The following ZNF574 variants were observed in gnomAD, a reference collection of about 807,000 sequenced individuals.
ZNF574 encodes zinc finger protein 574.
ZNF574 carries 25 observed loss-of-function variants against 56.6 expected under a neutral mutation model. The observed-to-expected ratio is 0.44, with a 90% CI of 0.32 to 0.62. ZNF574 has a LOEUF of 0.62. ZNF574 is among the 20% of genes least tolerant of loss of function. The probability of loss-of-function intolerance (pLI) is 0.04; values close to 1 mark genes in which losing one functional copy is unlikely to be tolerated. For missense variants in ZNF574, 1,065 were observed against 1,218.9 expected (o/e 0.87, Z 1.88); for synonymous variants, 543 against 492.1 (o/e 1.10, Z -1.37).
At chr19:42,072,568 C>CTT (rs888861060), upstream of ZNF574, among the ~76,000 whole-genome samples, 1 of 144,188 alleles carries the variant, frequency 6.9e-6, no homozygotes, top group African/African-American at 2.5e-5. Flanking sequence ...TTCTTTCTTT[C>CTT]TTTTTTTTTT....
chr19:42,081,247 A>T lies in ZNF574; in HGVS notation c.2641A>T (p.Ile881Phe), dbSNP rs1352470132. 2 of 1,613,930 alleles carry T rather than the reference A, an allele frequency of 1.2e-6. No individual in the cohort carries two copies. Among genetic ancestry groups the T allele is most frequent in the African/African-American group, 2.7e-5 (2 of 74,914 alleles). Residue 881 changes from isoleucine (I) to phenylalanine (F), a missense_variant, in exon 2 of 2, where the codon ATT (isoleucine) becomes TTT (phenylalanine). By Grantham distance (21) the Ile-to-Phe change is conservative. Transcript: ENST00000359044. ...GGAGGCGCTACCCCTGGTGGAAGCC[A>T]TTGAGATCTACCCTCTGGCCGAGGC... ...AVEALPLVEA[I>F]EIYPLAEAEG...
chr19:42,079,115 C>T lies in ZNF574; in HGVS notation c.509C>T (p.Pro170Leu), dbSNP rs1444096749. Reference protein sequence around the residue: ...VVLGSPVVLGPPVGQARVAVE... With the variant: ...VVLGSPVVLGLPVGQARVAVE... ...CTGGGGTCCCCAGTTGTTCTAGGGC[C>T]TCCTGTGGGCCAGGCCCGAGTGGCT... The change falls in exon 2 of 2, where the codon CCT becomes CTT. Residue 170 changes from proline to leucine, a missense_variant. Pro to Leu is a moderately conservative substitution (Grantham distance 98). Coordinates refer to ENST00000359044, the MANE Select transcript of ZNF574 (RefSeq NM_022752.6). The surrounding 1 kb of genome is among the most constrained non-coding windows in gnomAD (Gnocchi z 4.3). 6.2e-7 allele frequency: 1 copy of T among 1,614,084 alleles called. No individual in the cohort carries two copies. Among genetic ancestry groups the T allele is most frequent in the Non-Finnish European group, 8.5e-7 (1 of 1,179,980 alleles).
Position 42,079,074 on chromosome 19 carries a change from T to C in ZNF574, c.468T>C (p.Ala156=), listed in dbSNP as rs376335777. Residue 156 remains alanine, a synonymous_variant, in exon 2 of 2, where the codon GCT becomes GCC. Transcript: ENST00000359044. The surrounding 1 kb of genome is among the most constrained non-coding windows in gnomAD (Gnocchi z 4.3). ...ACCTCCGGGCCACACCCACCAAGGC[T>C]CCTGCCCCTGTTGTCCTGGGGTCCC... The part of the protein sequence containing the change: ...QTHLRATPTK[A]PAPVVLGSPV... 3.7e-5 allele frequency: 59 copies of C among 1,614,126 alleles called. 2 individuals are homozygous for C. Among genetic ancestry groups the C allele is most frequent in the African/African-American group, 2.8e-4 (21 of 75,038 alleles).
At chr19:42,074,442 A>C (rs1438941774), upstream of ZNF574, among the ~76,000 whole-genome samples, 11 of 151,514 alleles carry the variant, frequency 7.3e-5, no homozygotes, top group Middle Eastern at 3.4e-3. Context: ...GCGGCAGAGA[A>C]AGACTCTGTC....
chr19:42,080,689 G>A lies in ZNF574; in HGVS notation c.2083G>A (p.Gly695Arg). 6.2e-7 allele frequency: 1 copy of A among 1,613,200 alleles called. No homozygotes were observed. The highest frequency in any genetic ancestry group is 8.5e-7 in the Non-Finnish European group (1 of 1,179,902). ...HEAAHAAAGP[G>R]EVLAKEPPAP... The stretch of plus-strand genomic sequence containing the variant: ...GGCGGCCCATGCAGCTGCTGGGCCT[G>A]GAGAGGTCCTGGCTAAGGAGCCCCC... The change falls in exon 2 of 2, where the codon GGA (glycine) becomes AGA (arginine). Residue 695 changes from glycine to arginine, a missense_variant. Coordinates refer to ENST00000359044, the MANE Select transcript of ZNF574 (RefSeq NM_022752.6). This position sits in a 1 kb window ranked among gnomAD's most constrained non-coding sequence, Gnocchi z 8.5.
upstream of ZNF574, chr19:42,075,031 G>A (rs2076446610): frequency 6.6e-6 from 1 of 152,176 alleles, no homozygotes; most frequent in African/African-American, 2.4e-5. Context: ...TTACAGGCAC[G>A]AGCCACCACG....
chr19:42,075,697 C>A (rs577906446), upstream of ZNF574, among the ~76,000 whole-genome samples: 31 of 152,164 alleles, frequency 2.0e-4, no homozygotes, highest in African/African-American at 7.5e-4. Context: ...CACAAAGGTT[C>A]CCGTGCCTCC....
In ZNF574 at chr19:42,079,242, C is replaced by T; in HGVS notation, c.636C>T (p.Leu212=). 3 of 1,614,106 alleles carry T rather than the reference C, an allele frequency of 1.9e-6. No homozygotes were observed. Among genetic ancestry groups the T allele is most frequent in the Non-Finnish European group, 2.5e-6 (3 of 1,180,020 alleles). The change falls in exon 2 of 2, where the codon CTC becomes CTT. Residue 212 remains leucine, a synonymous_variant. Coordinates refer to ENST00000359044, the MANE Select transcript of ZNF574 (RefSeq NM_022752.6). The surrounding 1 kb of genome is among the most constrained non-coding windows in gnomAD (Gnocchi z 4.3). ...TTEVVTEVEL[L]LYKCSECSQL... ...AGGTAGTGACTGAGGTGGAGCTGCT[C>T]CTCTACAAGTGCTCTGAGTGCTCCC...
Position 42,079,718 on chromosome 19 carries a change from T to A in ZNF574, c.1112T>A (p.Leu371Gln), listed in dbSNP as rs139958544. The change falls in exon 2 of 2, where the codon CTG (leucine) becomes CAG (glutamine). Residue 371 changes from leucine (L) to glutamine (Q), a missense_variant. Physicochemically the swap from Leu to Gln is moderately radical, Grantham distance 113. Transcript: ENST00000359044. The surrounding 1 kb of genome is among the most constrained non-coding windows in gnomAD (Gnocchi z 4.3). The stretch of plus-strand genomic sequence containing the variant: ...CACTTCCTGTGTGTAGACTGTGGCC[T>A]GGCCTTCGGCACAGAGGCCCTCCTC... ...ESHFLCVDCG[L>Q]AFGTEALLLA... 296 of 1,614,158 alleles carry A rather than the reference T, an allele frequency of 1.8e-4. 1 individual carries two copies. The East Asian group carries it at 6.5e-3, about 35-fold the overall frequency.
chr19:42,074,790 G>A (rs1338663272), upstream of ZNF574: 2 of 152,326 alleles, frequency 1.3e-5, no homozygotes, highest in East Asian at 1.9e-4. Context: ...AGTGGCTTCA[G>A]GTAAGTAAAT....
intron 1 of ZNF574, chr19:42,071,011 G>A (rs2076415264): frequency 6.6e-6 from 1 of 152,498 alleles, no homozygotes; most frequent in African/African-American, 2.4e-5. Flanking sequence ...GTGAGGGGAT[G>A]GGTGGTGAGT....
Position 42,079,950 on chromosome 19 carries a change from T to C in ZNF574, c.1344T>C (p.Pro448=). The C allele has an allele frequency of 6.2e-7, 1 of 1,613,738 alleles. No homozygotes were observed. The highest frequency in any genetic ancestry group is 8.5e-7 in the Non-Finnish European group (1 of 1,179,996). The change falls in exon 2 of 2, where the codon CCT becomes CCC. Residue 448 remains proline, a synonymous_variant. Transcript: ENST00000359044. This position sits in a 1 kb window ranked among gnomAD's most constrained non-coding sequence, Gnocchi z 4.3. ...APAETGEPEA[P]EPPVSEETSA... ...CAGAGACTGGAGAGCCAGAGGCCCC[T>C]GAGCCCCCTGTGTCTGAGGAGACCT... is the stretch of plus-strand genomic sequence containing the variant.
At position 42,079,833 on chromosome 19, in the gene ZNF574, C is replaced by T; in HGVS notation, c.1227C>T (p.His409=). 1 of 1,614,160 alleles carries T rather than the reference C, an allele frequency of 6.2e-7. No individual in the cohort carries two copies. Among genetic ancestry groups the T allele is most frequent in the Non-Finnish European group, 8.5e-7 (1 of 1,180,038 alleles). ...TCAACCTTACCAAGTTCCTTTATCA[C>T]CGGCGTACTCATGGGGTAGGGGGTG... ...TFVNLTKFLY[H]RRTHGVGGVP... Residue 409 remains histidine (H), a synonymous_variant, in exon 2 of 2, where the codon CAC becomes CAT. Transcript: ENST00000359044. This position sits in a 1 kb window ranked among gnomAD's most constrained non-coding sequence, Gnocchi z 4.3.
upstream of ZNF574, among the ~76,000 whole-genome samples, chr19:42,075,700 G>A (rs545242466): frequency 6.6e-6 from 1 of 152,052 alleles, no homozygotes; most frequent in Admixed American, 6.6e-5. Context: ...AAAGGTTCCC[G>A]TGCCTCCATT....
Position 42,080,958 on chromosome 19 carries a change from C to A in ZNF574, c.2352C>A (p.His784Gln). 1 of 1,614,186 alleles carries A rather than the reference C, an allele frequency of 6.2e-7. No homozygotes were observed. The highest frequency in any genetic ancestry group is 8.5e-7 in the Non-Finnish European group (1 of 1,180,040). The change falls in exon 2 of 2, where the codon CAC becomes CAA. Residue 784 changes from histidine to glutamine, a missense_variant. His to Gln is a conservative substitution (Grantham distance 24). Transcript: ENST00000359044. This position sits in a 1 kb window ranked among gnomAD's most constrained non-coding sequence, Gnocchi z 8.5. ...AFRQSTHLKD[H>Q]RRLHTGERPF... ...GTCAGAGTACCCACCTGAAAGACCA[C>A]CGGCGCCTGCACACAGGTGAGCGGC...
At chr19:42,068,532 A>G (rs773360707) in exon 1 of ZNF574, 4 of 395,604 alleles carry the variant, frequency 1.0e-5, no homozygotes, top group Non-Finnish European at 1.8e-5. Context: ...TGGGGGAAAG[A>G]GGTGGAAAAG....
chr19:42,079,551 C>T lies in ZNF574; in HGVS notation c.945C>T (p.Asp315=), dbSNP rs200671591. The T allele has an allele frequency of 2.2e-5, 36 of 1,614,094 alleles. No individual in the cohort carries two copies. In the South Asian group the frequency reaches 3.3e-4, roughly 15 times the overall value. ...ATQELFCSAC[D]QLFLSPHQLQ... Reference sequence around the variant, plus strand: ...AGGAGCTCTTCTGCTCAGCCTGTGACCAGCTCTTTCTCTCACCCCACCAGC... The same window carrying T: ...AGGAGCTCTTCTGCTCAGCCTGTGATCAGCTCTTTCTCTCACCCCACCAGC... Residue 315 remains aspartate (D), a synonymous_variant, in exon 2 of 2, where the codon GAC becomes GAT. Coordinates refer to ENST00000359044, the MANE Select transcript of ZNF574 (RefSeq NM_022752.6). The surrounding 1 kb of genome is among the most constrained non-coding windows in gnomAD (Gnocchi z 4.3).
Position 42,068,858 on chromosome 19 carries a change from C to T in ZNF574, c.147C>T (p.Ala49=), listed in dbSNP as rs1330369029. 4 of 682,992 alleles carry T rather than the reference C, an allele frequency of 5.9e-6. No individual in the cohort carries two copies. The Admixed American group carries it at 6.2e-5, about 11-fold the overall frequency. 42.3% of individuals were successfully genotyped at this position (682,992 alleles called of 1,614,324 possible). A position where few individuals can be genotyped will look rare whatever the true frequency, so the allele number is the denominator to read the frequency against. Residue 49 remains alanine, a synonymous_variant, in exon 1 of 2, where the codon GCC becomes GCT. Transcript: ENST00000222339. Reference sequence around the variant, plus strand: ...GACGGGGTGGGGACAGGGCCAAGGCCCACCGCAGGCAGAGGATGAGGCTCA... The same window carrying T: ...GACGGGGTGGGGACAGGGCCAAGGCTCACCGCAGGCAGAGGATGAGGCTCA...
rs1387179579 is a variant in ZNF574 at position 42,078,894 on chromosome 19, G to A, written c.288G>A (p.Glu96=). 2 of 1,613,824 alleles carry A rather than the reference G, an allele frequency of 1.2e-6. No homozygotes were observed. The highest frequency in any genetic ancestry group is 2.2e-5 in the East Asian group (1 of 44,866). The change falls in exon 2 of 2, where the codon GAG becomes GAA. Residue 96 remains glutamate, a synonymous_variant. Coordinates refer to ENST00000359044, the MANE Select transcript of ZNF574 (RefSeq NM_022752.6). ...CCAGCCAGCTCCTGGAGCACCAGGA[G>A]CTGCACCTGAAGATGATGGCACCCC... ...MSPSQLLEHQ[E]LHLKMMAPQE...
Sources: allele counts gnomAD v4.1 joint callset (sites outside exome capture counted in the v4.1 genomes callset), GRCh38; gene constraint gnomAD v4.1.1; non-coding constraint Gnocchi (gnomAD v3.1); transcripts MANE v1.5; gene names NCBI Gene and HGNC (gene_info 2026-07-23, HGNC 2026-07-21).